The following NCOR1 variants were observed in gnomAD, a reference collection of about 807,000 sequenced individuals.
The protein encoded by NCOR1 is protein phosphatase 1, regulatory subunit 109.
NCOR1 carries 63 observed loss-of-function variants against 288.1 expected under a neutral mutation model. That is an observed-to-expected ratio of 0.22 (90% confidence interval 0.18 to 0.27). The LOEUF (loss-of-function observed/expected upper bound fraction) is 0.27, where lower values mean the gene tolerates loss of function less well. Among genes scored for constraint, NCOR1 ranks in the 10% least tolerant of loss-of-function variants. NCOR1 has a pLI of 1.00. For synonymous variants in NCOR1, 1,007 were observed against 1,065.9 expected (o/e 0.94, Z 1.08); for missense variants, 2,397 against 3,019.2 (o/e 0.79, Z 4.83).
Position 16,101,519 on chromosome 17 carries a change from C to G in NCOR1, c.2421G>C (p.Glu807Asp), listed in dbSNP as rs2152996070. Residue 807 changes from glutamate (E) to aspartate (D), a missense_variant, in exon 20 of 46, where the codon GAG (glutamate) becomes GAC (aspartate). Around this residue, in one of 11 missense-constraint regions of NCOR1, gnomAD observed 1,872 missense variants for 2,187.8 expected, o/e 0.86. Coordinates refer to ENST00000268712, the MANE Select transcript of NCOR1 (RefSeq NM_006311.4). ...CGGGTGGGGGATCACAAACAGAACC[C>G]TCTTCAGCACTGTGCTCCTGCTGAT... ...DVDQQEHSAEEGSVCDPPPAT... is the reference protein window; with the variant it reads ...DVDQQEHSAEDGSVCDPPPAT... The G allele has an allele frequency of 6.2e-7, 1 of 1,614,198 alleles. No homozygotes were observed. The highest frequency in any genetic ancestry group is 1.3e-5 in the African/African-American group (1 of 75,048).
chr17:16,061,469 G>A lies in NCOR1; in HGVS notation c.5813C>T (p.Thr1938Ile), dbSNP rs2152593114. The change falls in exon 37 of 46, where the codon ACC becomes ATC. Residue 1938 changes from threonine (T) to isoleucine (I), a missense_variant. Physicochemically the swap from Thr to Ile is moderately conservative, Grantham distance 89. Transcript: ENST00000268712. ...ATCCTTGTCCGAGGCAATTTGCCGG[G>A]TGATGATCACGTCTATGAAGTTAGC... ...TAANFIDVIITRQIASDKDAR... is the reference protein window; with the variant it reads ...TAANFIDVIIIRQIASDKDAR... The A allele has an allele frequency of 6.2e-7, 1 of 1,614,210 alleles. No homozygotes were observed. The highest frequency in any genetic ancestry group is 8.5e-7 in the Non-Finnish European group (1 of 1,180,046).
chr17:16,171,831 C>T lies in NCOR1; in HGVS notation c.407G>A (p.Gly136Glu), dbSNP rs371458310. 4.4e-6 allele frequency: 7 copies of T among 1,608,582 alleles called. No homozygotes were observed. The African/African-American group carries it at 8.1e-5, about 18-fold the overall frequency. The change falls in exon 4 of 46, where the codon GGG becomes GAG. Residue 136 changes from glycine to glutamate, a missense_variant. Physicochemically the swap from Gly to Glu is moderately conservative, Grantham distance 98. Around this residue, in one of 11 missense-constraint regions of NCOR1, gnomAD observed 110 missense variants for 123.2 expected, o/e 0.89. Transcript: ENST00000268712. ...CTTAGCATCTGCAGAAGCCCTCAGCCCTTCTGGCAGCGGGTGCACTAAAGG... is the reference window on the plus strand; with the variant it reads ...CTTAGCATCTGCAGAAGCCCTCAGCTCTTCTGGCAGCGGGTGCACTAAAGG... Reference protein sequence around the residue: ...VLPLVHPLPEGLRASADAKKD... With the variant: ...VLPLVHPLPEELRASADAKKD...
chr17:16,199,124 T>A (rs2090361989), intron 1 of NCOR1, among the ~76,000 whole-genome samples: 1 of 151,212 alleles, frequency 6.6e-6, no homozygotes, highest in African/African-American at 2.4e-5. Flanking sequence ...GTGGTATGAC[T>A]TTAGTGAAGT....
intron 19 of NCOR1, among the ~76,000 whole-genome samples, chr17:16,106,956 G>A (rs191661963): frequency 7.8e-6 from 1 of 128,224 alleles, no homozygotes; most frequent in African/African-American, 3.0e-5. Context: ...GCAGTGGCGT[G>A]ATCTCAGCTC....
chr17:16,030,554 T>A lies in NCOR1; in HGVS notation c.*1742A>T. ...ACATTTAGTCACTGTTTTTCATTCA[T>A]TTTGAAATTTTTATATGTTTACATA... On this transcript the variant is annotated 3_prime_UTR_variant, in exon 46 of 46. Transcript: ENST00000268712. 5.3e-6 allele frequency: 1 copy of A among 188,720 alleles called. No individual in the cohort carries two copies. The highest frequency in any genetic ancestry group is 1.1e-5 in the Non-Finnish European group (1 of 89,596). The allele number at this position is 188,720 out of a possible 1,614,324, so 11.7% of individuals were successfully genotyped here.
chr17:16,109,979 G>A lies in NCOR1; in HGVS notation c.2056-1067C>T, dbSNP rs745855490. On this transcript the variant is annotated intron_variant, in intron 18 of 45. Coordinates refer to ENST00000268712, the MANE Select transcript of NCOR1 (RefSeq NM_006311.4). ...GAACTCCTGACCTCGTGATCCACCC[G>A]CTTTGGCCTCCCAAAGTGCTGGGAT... Among the ~76,000 whole-genome samples the A allele has an allele frequency of 5.6e-4, 86 of 152,236 alleles. 1 individual carries two copies. The highest frequency in any genetic ancestry group is 1.2e-3 in the Admixed American group (19 of 15,304).
chr17:16,099,079 A>G (rs1235930234), intron 20 of NCOR1, among the ~76,000 whole-genome samples: 2 of 152,222 alleles, frequency 1.3e-5, no homozygotes, highest in African/African-American at 4.8e-5. Context: ...CTTCTCATGA[A>G]AAATGGAAAG....
rs1463147836 is a variant in NCOR1 at position 16,073,607 on chromosome 17, A to C, written c.3671-38T>G. On this transcript the variant is annotated intron_variant, in intron 27 of 45. Coordinates refer to ENST00000268712, the MANE Select transcript of NCOR1 (RefSeq NM_006311.4). ...CAAACAAGACTTGCTCAGACGGAGC[A>C]CATGGTATACAATGTACAGTAAATA... is the stretch of plus-strand genomic sequence containing the variant. 4 of 1,541,776 alleles carry C rather than the reference A, an allele frequency of 2.6e-6. No homozygotes were observed. The East Asian group carries it at 7.1e-5, about 27-fold the overall frequency.
At chr17:16,149,398 G>T in intron 9 of NCOR1, 53 bp downstream of exon 9, 1 of 1,069,434 alleles carries the variant, frequency 9.4e-7, no homozygotes, top group Non-Finnish European at 1.4e-6. Context: ...ATGCCTAAAT[G>T]AGCATGAATG....
intron 23 of NCOR1, 103 bp downstream of exon 23, chr17:16,086,179 T>G: frequency 8.2e-7 from 1 of 1,218,012 alleles, no homozygotes; most frequent in Non-Finnish European, 1.2e-6. Context: ...TTCAGACAGA[T>G]TATTATTTAT....
intron 42 of NCOR1, chr17:16,041,404 C>CTTTTTTCTT (rs2057551774): frequency 1.9e-5 from 2 of 103,790 alleles, no homozygotes; most frequent in East Asian, 2.3e-4. Context: ...TGTGAAAGTT[C>CTTTTTTCTT]TTTTTTTTTT....
chr17:16,061,850 G>A lies in NCOR1; in HGVS notation c.5432C>T (p.Ala1811Val). The change falls in exon 37 of 46, where the codon GCC becomes GTC. Residue 1811 changes from alanine (A) to valine (V), a missense_variant. Physicochemically the swap from Ala to Val is moderately conservative, Grantham distance 64. Coordinates refer to ENST00000268712, the MANE Select transcript of NCOR1 (RefSeq NM_006311.4). ...ATCCGCAGCAGTGTTGTAACGGGAG[G>A]CTGGCAGGCCTTGGCTTATTGAAGG... ...GGPSISQGLP[A>V]SRYNTAADAL... 6.2e-7 allele frequency: 1 copy of A among 1,613,872 alleles called. No individual in the cohort carries two copies. The highest frequency in any genetic ancestry group is 8.5e-7 in the Non-Finnish European group (1 of 1,179,864).
Position 16,119,122 on chromosome 17 carries a change from T to A in NCOR1, c.1915+301A>T, listed in dbSNP as rs557853893. ...CCAGAACAATTTCAATAGCATAGAG[T>A]CATAATTATTCTAAAAAAGTGAAAA... is the stretch of plus-strand genomic sequence containing the variant. On this transcript the variant is annotated intron_variant, in intron 17 of 45. Coordinates refer to ENST00000268712, the MANE Select transcript of NCOR1 (RefSeq NM_006311.4). Among the ~76,000 whole-genome samples the A allele has an allele frequency of 3.9e-5, 6 of 152,238 alleles. No homozygotes were observed. The South Asian group carries it at 8.3e-4, about 21-fold the overall frequency.
intron 21 of NCOR1, among the ~76,000 whole-genome samples, chr17:16,093,587 C>A (rs2065788510): frequency 6.6e-6 from 1 of 152,158 alleles, no homozygotes; most frequent in African/African-American, 2.4e-5. Context: ...CCTAGAAAGC[C>A]CTAGAGGTCT....
chr17:16,147,236 C>T (rs188115204), intron 9 of NCOR1, among the ~76,000 whole-genome samples: 8 of 152,220 alleles, frequency 5.3e-5, no homozygotes, highest in African/African-American at 1.7e-4. Context: ...TGGTGAAACC[C>T]CGTCTCTATT....
At chr17:16,044,612 G>A in intron 42 of NCOR1, 1 of 595,244 alleles carries the variant, frequency 1.7e-6, no homozygotes, top group Non-Finnish European at 3.3e-6. Context: ...CCCCACACTT[G>A]CCCATACCAT....
chr17:16,153,539 T>C (rs2079197879), intron 6 of NCOR1, 144 bp from the exon 7 acceptor site: 1 of 481,130 alleles, frequency 2.1e-6, no homozygotes, highest in Non-Finnish European at 3.6e-6. Flanking sequence ...TATGACAGGC[T>C]GAAATATGCT....
At chr17:16,045,923 C>T (rs1255778391) in intron 42 of NCOR1, among the ~76,000 whole-genome samples, 3 of 152,112 alleles carry the variant, frequency 2.0e-5, no homozygotes, top group Admixed American at 6.5e-5. Context: ...GCAATCCTCC[C>T]ACCTCAGCTT....
At chr17:16,163,566 A>C (rs1178875377) in intron 5 of NCOR1, among the ~76,000 whole-genome samples, 3 of 152,240 alleles carry the variant, frequency 2.0e-5, no homozygotes, top group Non-Finnish European at 2.9e-5. Context: ...ACTGCTGGTA[A>C]GAATATAAAA....
Sources: allele counts gnomAD v4.1 joint callset (sites outside exome capture counted in the v4.1 genomes callset), GRCh38; gene constraint gnomAD v4.1.1; regional missense constraint gnomAD v4.1.1; transcripts MANE v1.5; gene names NCBI Gene and HGNC (gene_info 2026-07-23, HGNC 2026-07-21).